Variants in COL21A1 observed in about 807,000 individuals in gnomAD.
The protein encoded by COL21A1 is collagen type XXI alpha 1 chain.
COL21A1 carries 149 observed loss-of-function variants against 137.9 expected under a neutral mutation model. That is an observed-to-expected ratio of 1.08 (90% CI 0.95 to 1.24). The LOEUF (loss-of-function observed/expected upper bound fraction) is 1.24, where lower values mean the gene tolerates loss of function less well. Ranked by LOEUF, COL21A1 falls within the 50% of genes most tolerant of loss-of-function variation. COL21A1 has a pLI of 0.00. For missense variants in COL21A1, 1,167 were observed against 1,158.4 expected, an observed-to-expected ratio of 1.01 and a Z score of -0.11; for synonymous variants, 456 against 391.5, an observed-to-expected ratio of 1.16 and a Z score of -1.95.
intron 10 of COL21A1, among the ~76,000 whole-genome samples, chr6:56,148,976 T>A (rs766597005): frequency 2.8e-4 from 42 of 152,192 alleles, no homozygotes; most frequent in Non-Finnish European, 4.6e-4. Flanking sequence ...CTGTCATCTC[T>A]CTCAATACAG....
chr6:56,208,083 A>T (rs1455354681), intron 1 of COL21A1, among the ~76,000 whole-genome samples: 1 of 152,170 alleles, frequency 6.6e-6, no homozygotes, highest in East Asian at 1.9e-4. Context: ...TGTTATACTG[A>T]ATGGGCAAAA....
Position 56,329,815 on chromosome 6 carries a change from T to G in COL21A1, c.-39+64156A>C, listed in dbSNP as rs528960900. Reference sequence around the variant, plus strand: ...AAGGCTTCATATATCAGCATGTGATTCTTAGCATAGTCTAGACCACTGTAA... The same window carrying G: ...AAGGCTTCATATATCAGCATGTGATGCTTAGCATAGTCTAGACCACTGTAA... On this transcript the variant is annotated intron_variant, in intron 1 of 28. Coordinates refer to the COL21A1 transcript ENST00000370819. Among the ~76,000 whole-genome samples the G allele has an allele frequency of 2.8e-4, 42 of 152,208 alleles. No homozygotes were observed. In the South Asian group the frequency reaches 8.7e-3, roughly 32 times the overall value.
At chr6:56,270,542 T>C (rs1763501563) in intron 1 of COL21A1, among the ~76,000 whole-genome samples, 1 of 152,166 alleles carries the variant, frequency 6.6e-6, no homozygotes, top group African/African-American at 2.4e-5. Context: ...ATTCTGGAAT[T>C]AAATTCAACA....
intron 1 of COL21A1, among the ~76,000 whole-genome samples, chr6:56,326,449 G>A (rs1765092255): frequency 6.6e-6 from 1 of 151,732 alleles, no homozygotes; most frequent in East Asian, 1.9e-4. Flanking sequence ...CTGCAACATG[G>A]GCTGTAGCAT....
chr6:56,131,171 A>G (rs927555579), intron 12 of COL21A1, among the ~76,000 whole-genome samples: 1 of 152,026 alleles, frequency 6.6e-6, no homozygotes, highest in Admixed American at 6.6e-5. Context: ...GGTTGAAAAA[A>G]TGGTGTCTTA....
rs1582214248 is a variant in COL21A1, at chr6:56,061,544, C to T, written c.2205+105G>A. On this transcript the variant is annotated intron_variant, in intron 25 of 29. Coordinates refer to ENST00000244728, the MANE Select transcript of COL21A1 (RefSeq NM_030820.4). The stretch of plus-strand genomic sequence containing the variant: ...CTACTGAAGAAGATGAAAAACATTT[C>T]GTTTTCTGGTTTTTACTCAAAAGCT... The T allele has an allele frequency of 8.3e-6, 5 of 601,280 alleles. No homozygotes were observed. The South Asian group carries it at 1.1e-4, about 13-fold the overall frequency. 37.2% of individuals were successfully genotyped at this position (601,280 alleles called of 1,614,324 possible). A position where few individuals can be genotyped will look rare whatever the true frequency, so the allele number is the denominator to read the frequency against.
chr6:56,113,069 C>T (rs1028100515), intron 16 of COL21A1, among the ~76,000 whole-genome samples: 3 of 152,180 alleles, frequency 2.0e-5, no homozygotes, highest in African/African-American at 7.2e-5. Context: ...ACCTCACCAC[C>T]AAGGGCCAAA....
chr6:56,254,695 C>T (rs1782927240), intron 1 of COL21A1, among the ~76,000 whole-genome samples: 1 of 152,110 alleles, frequency 6.6e-6, no homozygotes, highest in South Asian at 2.1e-4. Context: ...TTTCTAAAAG[C>T]TATAAAAATC....
chr6:56,224,618 C>G (rs1275074920), intron 1 of COL21A1, among the ~76,000 whole-genome samples: 1 of 151,542 alleles, frequency 6.6e-6, no homozygotes, highest in Non-Finnish European at 1.5e-5. Context: ...TATTTAATAC[C>G]AAAAAAGGAT....
chr6:56,082,979 AAAT>A (rs1438535680), intron 17 of COL21A1, among the ~76,000 whole-genome samples: 3 of 88,468 alleles, frequency 3.4e-5, no homozygotes, highest in African/African-American at 1.6e-4. Flanking sequence ...TTTCTTATAA[AAAT>A]AATGAAACAA....
At chr6:56,326,133 G>T (rs113934056) in intron 1 of COL21A1, among the ~76,000 whole-genome samples, 1,617 of 138,422 alleles carry the variant, frequency 0.012, 32 homozygotes, top group African/African-American at 0.04. Flanking sequence ...GAAACACATG[G>T]TTCTAATTTA....
intron 10 of COL21A1, among the ~76,000 whole-genome samples, chr6:56,148,887 C>T (rs1174392926): frequency 1.3e-5 from 2 of 152,306 alleles, no homozygotes; most frequent in East Asian, 3.9e-4. Context: ...CCAAGTTATA[C>T]ACTTCTGAAT....
At chr6:56,292,434 CACCAGGGA>C (rs1183683538) in intron 1 of COL21A1, among the ~76,000 whole-genome samples, 1 of 138,236 alleles carries the variant, frequency 7.2e-6, no homozygotes, top group Admixed American at 8.1e-5. Context: ...TTCTTGAACT[CACCAGGGA>C]AATAGTAAGT....
intron 9 of COL21A1, among the ~76,000 whole-genome samples, chr6:56,160,914 C>T (rs1373286239): frequency 6.6e-6 from 1 of 152,168 alleles, no homozygotes. Context: ...AAACCTTACG[C>T]CTTCATGCTA....
intron 1 of COL21A1, among the ~76,000 whole-genome samples, chr6:56,204,202 C>T (rs1779596410): frequency 6.6e-6 from 1 of 152,090 alleles, no homozygotes; most frequent in South Asian, 2.1e-4. Flanking sequence ...TGGGTCGCTC[C>T]CCCATGGAGC....
intron 17 of COL21A1, among the ~76,000 whole-genome samples, chr6:56,080,776 T>C (rs181820647): frequency 6.6e-6 from 1 of 152,012 alleles, no homozygotes; most frequent in Non-Finnish European, 1.5e-5. Flanking sequence ...GTATATTACA[T>C]GTTTTCTTCA....
chr6:56,080,712 A>G (rs1767677747), intron 17 of COL21A1, among the ~76,000 whole-genome samples: 1 of 151,838 alleles, frequency 6.6e-6, no homozygotes, highest in South Asian at 2.1e-4. Context: ...CAAATTATCT[A>G]CCTTTCTACA....
At chr6:56,263,951 G>C (rs1388772046) in intron 1 of COL21A1, among the ~76,000 whole-genome samples, 1 of 146,994 alleles carries the variant, frequency 6.8e-6, no homozygotes, top group Non-Finnish European at 1.5e-5. Context: ...TTCATAAAGA[G>C]AACCACTCTC....
intron 1 of COL21A1, among the ~76,000 whole-genome samples, chr6:56,378,451 G>T (rs1000146433): frequency 6.6e-6 from 1 of 152,182 alleles, no homozygotes. Context: ...AGTACTCCCT[G>T]TGGGCCTGCC....
Sources: gnomAD v4.1 joint callset for allele counts (sites outside exome capture counted in the v4.1 genomes callset) on GRCh38, gnomAD v4.1.1 for gene constraint, MANE v1.5 for transcripts, NCBI Gene and HGNC (gene_info 2026-07-23, HGNC 2026-07-21) for gene names.